The following SCD5 variants were observed in gnomAD, a reference collection of about 807,000 sequenced individuals.
SCD5 encodes the protein stearoyl-CoA desaturase 5.
In SCD5, 20 loss-of-function variants were observed where a neutral mutation model predicts 30.4. That is an observed-to-expected ratio of 0.66 (90% CI 0.46 to 0.96). SCD5 has a LOEUF of 0.96. Ranked by LOEUF, SCD5 falls within the 40% of genes least tolerant of loss-of-function variation. The pLI is 0.00. For missense variants in SCD5, 381 were observed against 443.3 expected (o/e 0.86, Z 1.26); for synonymous variants, 173 against 176.4 (o/e 0.98, Z 0.16).
At chr4:82,638,287 C>T (rs371655252) in intron 3 of SCD5, among the ~76,000 whole-genome samples, 1 of 152,028 alleles carries the variant, frequency 6.6e-6, no homozygotes, top group African/African-American at 2.4e-5. Context: ...CCCTGCCCCC[C>T]CAAAAAAAAG....
chr4:82,761,824 T>C lies in SCD5; in HGVS notation c.232+36482A>G, dbSNP rs531402890. 5.9e-5 allele frequency among the ~76,000 whole-genome samples: 9 copies of C among 151,740 alleles called. No individual in the cohort carries two copies. In the South Asian group the frequency reaches 1.0e-3, roughly 18 times the overall value. On this transcript the variant is annotated intron_variant, in intron 1 of 4. Coordinates refer to ENST00000319540, the MANE Select transcript of SCD5 (RefSeq NM_001037582.3). ...CAATTCCCACCTATGAGTGAGAATA[T>C]AGCCCCAGCCTCGTTTCTAATCTCT...
intron 3 of SCD5, chr4:82,660,791 T>TA (rs773696919): frequency 2.4e-5 from 39 of 1,599,986 alleles, no homozygotes; most frequent in Non-Finnish European, 3.3e-5. Context: ...TTCACACCGT[T>TA]AAAAAAGGCC....
intron 3 of SCD5, among the ~76,000 whole-genome samples, chr4:82,651,720 C>A (rs1399123825): frequency 1.3e-5 from 2 of 152,002 alleles, no homozygotes; most frequent in African/African-American, 4.8e-5. Context: ...TTGAGACCAG[C>A]CTGGCCAACA....
At chr4:82,742,563 G>A (rs1217684694) in intron 1 of SCD5, among the ~76,000 whole-genome samples, 2 of 152,198 alleles carry the variant, frequency 1.3e-5, no homozygotes, top group Non-Finnish European at 2.9e-5. Context: ...GAGGTGGGTG[G>A]ATCACTTGAG....
At chr4:82,742,247 T>C (rs1276926359) in intron 1 of SCD5, among the ~76,000 whole-genome samples, 1 of 152,120 alleles carries the variant, frequency 6.6e-6, no homozygotes, top group Non-Finnish European at 1.5e-5. Flanking sequence ...GAGTGGGCCA[T>C]GACAGCAGGC....
At chr4:82,691,672 A>C (rs1350705457) in intron 2 of SCD5, 1 of 152,094 alleles carries the variant, frequency 6.6e-6, no homozygotes, top group African/African-American at 2.4e-5. Flanking sequence ...GATCACCAGA[A>C]AGACCAGCCA....
At chr4:82,761,633 G>A (rs1721369432) in intron 1 of SCD5, among the ~76,000 whole-genome samples, 1 of 151,732 alleles carries the variant, frequency 6.6e-6, no homozygotes. Flanking sequence ...ACATTGTGCA[G>A]GTTAGTTACA....
chr4:82,637,972 G>C (rs774014886), intron 3 of SCD5, among the ~76,000 whole-genome samples: 1 of 152,064 alleles, frequency 6.6e-6, no homozygotes, highest in East Asian at 1.9e-4. Context: ...TCAACCCATC[G>C]CCTATTTATC....
chr4:82,770,249 T>C (rs1721592080), intron 1 of SCD5, among the ~76,000 whole-genome samples: 1 of 152,188 alleles, frequency 6.6e-6, no homozygotes, highest in Non-Finnish European at 1.5e-5. Flanking sequence ...GTGTCCTCAT[T>C]GTTCAGTTCC....
At chr4:82,796,712 T>C (rs1722228588) in intron 1 of SCD5, among the ~76,000 whole-genome samples, 2 of 152,244 alleles carry the variant, frequency 1.3e-5, no homozygotes, top group African/African-American at 4.8e-5. Context: ...CACCAGGCTC[T>C]GAGGACCAAG....
At chr4:82,669,407 C>T (rs1728260141) in intron 3 of SCD5, among the ~76,000 whole-genome samples, 1 of 151,582 alleles carries the variant, frequency 6.6e-6, no homozygotes, top group Non-Finnish European at 1.5e-5. Context: ...GCTGAACAAA[C>T]TGAAAAAAAG....
intron 1 of SCD5, among the ~76,000 whole-genome samples, chr4:82,725,976 T>C (rs1158744775): frequency 1.3e-5 from 2 of 152,066 alleles, no homozygotes; most frequent in East Asian, 1.9e-4. Flanking sequence ...GGAACCTAAG[T>C]GAGGAAAAAC....
intron 3 of SCD5, among the ~76,000 whole-genome samples, chr4:82,663,262 A>G (rs1025425422): frequency 8.5e-5 from 13 of 152,228 alleles, no homozygotes; most frequent in African/African-American, 2.4e-4. Flanking sequence ...CTACCACACA[A>G]GTAGATAAGA....
Position 82,730,634 on chromosome 4 carries a change from G to C in SCD5, c.233-25221C>G, listed in dbSNP as rs545286282. The stretch of plus-strand genomic sequence containing the variant: ...GGAGTCTCACTCTGTTGCCCAGGCT[G>C]GAGTGCAGTGGCGGGATCTTGGCTC... On this transcript the variant is annotated intron_variant, in intron 1 of 4. Transcript: ENST00000319540. 7.9e-5 allele frequency among the ~76,000 whole-genome samples: 11 copies of C among 138,970 alleles called. No individual in the cohort carries two copies. The South Asian group carries it at 2.3e-3, about 29-fold the overall frequency. 91.2% of individuals were successfully genotyped at this position (138,970 alleles called of 152,430 possible).
At chr4:82,723,573 C>T (rs12500169) in intron 1 of SCD5, among the ~76,000 whole-genome samples, 5 of 152,160 alleles carry the variant, frequency 3.3e-5, no homozygotes, top group African/African-American at 9.6e-5. Context: ...GTTTGATAAG[C>T]GTGATAAAGC....
At chr4:82,731,555 T>C (rs1207949723) in intron 1 of SCD5, among the ~76,000 whole-genome samples, 1 of 152,212 alleles carries the variant, frequency 6.6e-6, no homozygotes. Context: ...GGGTGCAAAA[T>C]GCCCTGGGCT....
At chr4:82,794,851 C>A (rs991660424) in intron 1 of SCD5, among the ~76,000 whole-genome samples, 3 of 152,026 alleles carry the variant, frequency 2.0e-5, no homozygotes, top group African/African-American at 7.2e-5. Context: ...TGGGGTTTCA[C>A]CGTGTTAGCG....
At chr4:82,753,550 G>A (rs567299595) in intron 1 of SCD5, 62 of 416,534 alleles carry the variant, frequency 1.5e-4, no homozygotes, top group Admixed American at 5.2e-4. Flanking sequence ...GCGGGGAAGG[G>A]TTTCAGGTTA....
intron 3 of SCD5, among the ~76,000 whole-genome samples, chr4:82,664,088 T>C (rs1165357596): frequency 1.3e-5 from 2 of 152,026 alleles, no homozygotes; most frequent in Non-Finnish European, 2.9e-5. Context: ...AGCAAGAGCA[T>C]AGGGAAAGAT....
Sources: allele counts gnomAD v4.1 joint callset (sites outside exome capture counted in the v4.1 genomes callset), GRCh38; gene constraint gnomAD v4.1.1; transcripts MANE v1.5; gene names NCBI Gene and HGNC (gene_info 2026-07-23, HGNC 2026-07-21).